SGCG: variants seen among roughly 807,000 people sequenced by gnomAD.
SGCG encodes sarcoglycan gamma.
In SGCG, 26 loss-of-function variants were observed where a neutral mutation model predicts 29.3. The observed-to-expected ratio is 0.89, with a 90% CI of 0.65 to 1.23. The LOEUF is 1.23. Among genes scored for constraint, SGCG ranks in the 50% most tolerant of loss-of-function variants. SGCG has a pLI of 0.00. For missense variants in SGCG, 353 were observed against 356.0 expected (o/e 0.99, Z 0.07); for synonymous variants, 145 against 129.7 (o/e 1.12, Z -0.80).
intron 4 of SGCG, among the ~76,000 whole-genome samples, chr13:23,274,407 T>C (rs1313643973): frequency 8.0e-5 from 11 of 138,216 alleles, no homozygotes; most frequent in African/African-American, 2.7e-4. Context: ...TTTTTTTTTT[T>C]TTTTTTTTTT....
At chr13:23,255,107 G>C (rs1593200242) in intron 4 of SGCG, among the ~76,000 whole-genome samples, 1 of 152,184 alleles carries the variant, frequency 6.6e-6, no homozygotes, top group Non-Finnish European at 1.5e-5. Context: ...TATGGGAAGG[G>C]AGCCACTGCC....
the SGCG span, among the ~76,000 whole-genome samples, chr13:23,166,181 A>G: frequency 2.6e-5 from 4 of 152,080 alleles, no homozygotes; most frequent in African/African-American, 9.7e-5. Context: ...AGGTTTTTGT[A>G]CAAATTCTTT....
At chr13:23,281,524 A>C (rs1881305916) in intron 5 of SGCG, among the ~76,000 whole-genome samples, 2 of 152,158 alleles carry the variant, frequency 1.3e-5, no homozygotes, top group South Asian at 4.1e-4. Context: ...GCTGTGGACT[A>C]ACATGAATCA....
intron 4 of SGCG, among the ~76,000 whole-genome samples, chr13:23,256,773 T>C (rs1039822300): frequency 3.9e-5 from 6 of 152,222 alleles, no homozygotes; most frequent in Non-Finnish European, 8.8e-5. Context: ...TAATCCAGTC[T>C]ATCATTGATG....
chr13:23,284,460 C>A (rs1362218306), intron 5 of SGCG, among the ~76,000 whole-genome samples: 2 of 152,092 alleles, frequency 1.3e-5, no homozygotes, highest in Non-Finnish European at 2.9e-5. Flanking sequence ...TCCATCAGGT[C>A]ATTTATGTTC....
intron 4 of SGCG, among the ~76,000 whole-genome samples, chr13:23,271,154 G>C (rs575053625): frequency 7.9e-5 from 12 of 152,256 alleles, no homozygotes; most frequent in African/African-American, 2.9e-4. Context: ...AGAGGTTGCA[G>C]TGAGCCGAGA....
intron 4 of SGCG, among the ~76,000 whole-genome samples, chr13:23,274,395 CTTTTTTTTTT>C (rs869153381): frequency 5.9e-5 from 5 of 85,248 alleles, no homozygotes; most frequent in Non-Finnish European, 8.6e-5. Flanking sequence ...CTTTCTTTCT[CTTTTTTTTTT>C]TTTTTTTTTT....
intron 6 of SGCG, among the ~76,000 whole-genome samples, chr13:23,303,483 AG>A (rs1426435425): frequency 6.6e-6 from 1 of 152,244 alleles, no homozygotes. Context: ...GGCACAGGGA[AG>A]GGGAATCCAG....
At chr13:23,291,635 G>C (rs953571280) in intron 5 of SGCG, among the ~76,000 whole-genome samples, 4 of 152,096 alleles carry the variant, frequency 2.6e-5, no homozygotes, top group African/African-American at 7.2e-5. Context: ...ATACATATCA[G>C]TTTATAGATT....
intron 5 of SGCG, among the ~76,000 whole-genome samples, chr13:23,283,733 G>A (rs748806595): frequency 6.6e-6 from 1 of 152,166 alleles, no homozygotes; most frequent in Non-Finnish European, 1.5e-5. Context: ...AATTTGGTAT[G>A]CTTTTGCAGT....
intron 4 of SGCG, among the ~76,000 whole-genome samples, chr13:23,253,287 G>A (rs1163864351): frequency 6.6e-6 from 1 of 152,108 alleles, no homozygotes; most frequent in African/African-American, 2.4e-5. Context: ...AATCTCTTTG[G>A]TTTGAACTGT....
chr13:23,232,468 T>C (rs1358794854), intron 2 of SGCG, among the ~76,000 whole-genome samples: 1 of 152,222 alleles, frequency 6.6e-6, no homozygotes, highest in Admixed American at 6.5e-5. Context: ...CTTTTTTAAA[T>C]AATGCTTTCT....
At chr13:23,179,412 G>C (rs570786851), upstream of SGCG, among the ~76,000 whole-genome samples, 1 of 152,252 alleles carries the variant, frequency 6.6e-6, no homozygotes, top group East Asian at 1.9e-4. Context: ...ACACTGAAAA[G>C]TTCATTGCAA....
chr13:23,314,560 AG>A, intron 6 of SGCG, among the ~76,000 whole-genome samples: 1 of 151,616 alleles, frequency 6.6e-6, no homozygotes, highest in African/African-American at 2.4e-5. Context: ...CAGAATATTA[AG>A]GGTGGAGTTC....
At chr13:23,182,791 G>A (rs1358142527) in intron 1 of SGCG, among the ~76,000 whole-genome samples, 1 of 152,154 alleles carries the variant, frequency 6.6e-6, no homozygotes, top group African/African-American at 2.4e-5. Flanking sequence ...GGGACAGGAG[G>A]GCTTGCTGTG....
intron 4 of SGCG, chr13:23,268,400 A>T (rs1337191708): frequency 6.6e-6 from 1 of 152,322 alleles, no homozygotes; most frequent in Non-Finnish European, 1.5e-5. Context: ...TTCTGCTAGG[A>T]TTTTGATTCT....
chr13:23,251,392 A>G (rs1361962399), intron 4 of SGCG, among the ~76,000 whole-genome samples: 2 of 152,218 alleles, frequency 1.3e-5, no homozygotes, highest in Non-Finnish European at 2.9e-5. Context: ...ATAAGGTCAC[A>G]TGGGAGTGAG....
chr13:23,166,749 C>T, the SGCG span, among the ~76,000 whole-genome samples: 1 of 151,866 alleles, frequency 6.6e-6, no homozygotes, highest in Non-Finnish European at 1.5e-5. Flanking sequence ...GCTCGTGTGT[C>T]ATCACAGAAA....
At chr13:23,297,485 C>T (rs774360176) in intron 6 of SGCG, among the ~76,000 whole-genome samples, 10 of 152,174 alleles carry the variant, frequency 6.6e-5, no homozygotes, top group East Asian at 5.8e-4. Context: ...GTATTCCTTA[C>T]GGGAAACAAA....
Sources: allele counts gnomAD v4.1 joint callset (sites outside exome capture counted in the v4.1 genomes callset), GRCh38; gene constraint gnomAD v4.1.1; transcripts MANE v1.5; gene names NCBI Gene and HGNC (gene_info 2026-07-23, HGNC 2026-07-21).